QTMAN: variants seen among roughly 807,000 people sequenced by gnomAD.
QTMAN encodes tRNA-queuosine alpha-mannosyltransferase.
chr2:144,012,619 C>T, the QTMAN span, among the ~76,000 whole-genome samples: 1 of 152,120 alleles, frequency 6.6e-6, no homozygotes, highest in Non-Finnish European at 1.5e-5. Flanking sequence ...GAATACACTC[C>T]TCACAACTGT....
chr2:144,092,299 T>G, the QTMAN span, among the ~76,000 whole-genome samples: 2 of 151,616 alleles, frequency 1.3e-5, no homozygotes, highest in Middle Eastern at 3.2e-3. Context: ...CCTCAGCCTC[T>G]CAAGTAGCTG....
the QTMAN span, among the ~76,000 whole-genome samples, chr2:144,013,881 T>A: frequency 6.6e-6 from 1 of 152,128 alleles, no homozygotes; most frequent in Non-Finnish European, 1.5e-5. Flanking sequence ...CAAAGATAAT[T>A]AAAAAATCAT....
chr2:144,208,916 G>A, the QTMAN span: 1 of 588,668 alleles, frequency 1.7e-6, no homozygotes, highest in South Asian at 3.1e-5. Context: ...TTAGCAATGT[G>A]TTATTTTTCA....
the QTMAN span, among the ~76,000 whole-genome samples, chr2:144,049,532 TG>T: frequency 1.4e-4 from 21 of 152,276 alleles, no homozygotes; most frequent in East Asian, 4.0e-3. Context: ...AATAAAATAA[TG>T]AGCATTATCT....
chr2:144,321,618 T>C, the QTMAN span, among the ~76,000 whole-genome samples: 3 of 152,104 alleles, frequency 2.0e-5, no homozygotes, highest in Admixed American at 6.5e-5. Flanking sequence ...GTTTATTTGA[T>C]TAAGAGACAG....
the QTMAN span, among the ~76,000 whole-genome samples, chr2:143,998,816 T>G: frequency 1.3e-5 from 2 of 152,102 alleles, no homozygotes; most frequent in African/African-American, 4.8e-5. Flanking sequence ...TCTTGAAGGC[T>G]TTGTATTTAC....
the QTMAN span, among the ~76,000 whole-genome samples, chr2:144,004,617 G>A: frequency 6.6e-6 from 1 of 151,898 alleles, no homozygotes; most frequent in Non-Finnish European, 1.5e-5. Context: ...ACTCTAATGG[G>A]CTTAGAACAG....
the QTMAN span, among the ~76,000 whole-genome samples, chr2:143,972,084 C>T: frequency 6.6e-6 from 1 of 152,054 alleles, no homozygotes; most frequent in South Asian, 2.1e-4. Flanking sequence ...ATGTTCATTG[C>T]TTTTTAAGAT....
the QTMAN span, among the ~76,000 whole-genome samples, chr2:144,046,375 G>C: frequency 6.6e-6 from 1 of 152,180 alleles, no homozygotes; most frequent in East Asian, 1.9e-4. Flanking sequence ...TAAAAGGTTA[G>C]ATATGATCCA....
chr2:144,267,160 G>C, the QTMAN span, among the ~76,000 whole-genome samples: 1 of 152,146 alleles, frequency 6.6e-6, no homozygotes, highest in African/African-American at 2.4e-5. Context: ...ATGTGAAATA[G>C]AACTCTGAGA....
chr2:144,065,369 C>A, the QTMAN span, among the ~76,000 whole-genome samples: 1 of 152,304 alleles, frequency 6.6e-6, no homozygotes, highest in African/African-American at 2.4e-5. Flanking sequence ...TGCTCTGTGC[C>A]CTAGCAGGTT....
chr2:144,148,599 G>A, the QTMAN span, among the ~76,000 whole-genome samples: 1 of 151,772 alleles, frequency 6.6e-6, no homozygotes, highest in African/African-American at 2.4e-5. Flanking sequence ...ATTTCTACAT[G>A]AGGATTATCC....
the QTMAN span, among the ~76,000 whole-genome samples, chr2:144,099,766 T>C: frequency 1.4e-4 from 21 of 152,212 alleles, no homozygotes; most frequent in Admixed American, 7.2e-4. Flanking sequence ...ACCACATCTT[T>C]TAAGCTGCAT....
chr2:144,189,604 C>A, the QTMAN span, among the ~76,000 whole-genome samples: 21 of 151,966 alleles, frequency 1.4e-4, no homozygotes, highest in African/African-American at 5.1e-4. Context: ...GGGAGACTGC[C>A]TTCTCTTTTC....
chr2:144,119,996 A>G, the QTMAN span, among the ~76,000 whole-genome samples: 1 of 152,236 alleles, frequency 6.6e-6, no homozygotes, highest in Non-Finnish European at 1.5e-5. Flanking sequence ...AGTTACTGTT[A>G]TTATATATCA....
the QTMAN span, among the ~76,000 whole-genome samples, chr2:144,263,305 C>T: frequency 1 from 151,995 of 152,262 alleles, 75,867 homozygotes; most frequent in Middle Eastern, 1. Flanking sequence ...ATACTGTACA[C>T]TGATATGGGT....
chr2:144,172,505 T>A, the QTMAN span, among the ~76,000 whole-genome samples: 1 of 150,634 alleles, frequency 6.6e-6, no homozygotes, highest in Non-Finnish European at 1.5e-5. Flanking sequence ...ACACCTATTA[T>A]CCCAGCTACT....
chr2:144,149,875 GA>G, the QTMAN span, among the ~76,000 whole-genome samples: 1 of 152,024 alleles, frequency 6.6e-6, no homozygotes, highest in South Asian at 2.1e-4. Flanking sequence ...TATGTAAAAA[GA>G]AAAGCTGAAA....
At chr2:144,067,198 T>C in the QTMAN span, among the ~76,000 whole-genome samples, 2 of 152,238 alleles carry the variant, frequency 1.3e-5, no homozygotes, top group Non-Finnish European at 2.9e-5. Context: ...CAAAATGGCA[T>C]GCTTAGGAAA....
Sources: allele counts gnomAD v4.1 joint callset (sites outside exome capture counted in the v4.1 genomes callset), GRCh38; gene constraint gnomAD v4.1.1; transcripts MANE v1.5; gene names NCBI Gene and HGNC (gene_info 2026-07-23, HGNC 2026-07-21).